Variants in ANKS1B observed in about 807,000 individuals in gnomAD.
The protein encoded by ANKS1B is ankyrin repeat and sterile alpha motif domain containing 1B.
Under a neutral mutation model 148.3 loss-of-function variants are expected in ANKS1B, and 36 were observed. That is an observed-to-expected ratio of 0.24 (90% CI 0.19 to 0.32). The LOEUF (loss-of-function observed/expected upper bound fraction) is 0.32. Ranked by LOEUF, ANKS1B falls within the 10% of genes least tolerant of loss-of-function variation. The pLI is 1.00. For missense variants in ANKS1B, 1,157 were observed against 1,542.6 expected (o/e 0.75, Z 4.19); for synonymous variants, 542 against 560.8 (o/e 0.97, Z 0.47).
At chr12:98,911,834 A>G (rs1164400364) in intron 17 of ANKS1B, among the ~76,000 whole-genome samples, 1 of 152,226 alleles carries the variant, frequency 6.6e-6, no homozygotes, top group Non-Finnish European at 1.5e-5. Flanking sequence ...CAGAGGAAGA[A>G]ATAAGCATAT....
At chr12:99,545,720 A>G (rs1222405965) in intron 9 of ANKS1B, among the ~76,000 whole-genome samples, 1 of 150,744 alleles carries the variant, frequency 6.6e-6, no homozygotes, top group Non-Finnish European at 1.5e-5. Flanking sequence ...CACCATTTCC[A>G]TGTACCTTTT....
chr12:99,261,624 C>A lies in ANKS1B; in HGVS notation c.1757-14760G>T, dbSNP rs79753238. On this transcript the variant is annotated intron_variant, in intron 12 of 26. Transcript: ENST00000683438. ...TCACACCCCACAGCCAATCACACAG[C>A]GAATCCTGGTGGCTCTACCTTTAAA... is the stretch of plus-strand genomic sequence containing the variant. Among the ~76,000 whole-genome samples the A allele has an allele frequency of 8.4e-3, 1,283 of 152,208 alleles. 22 individuals carry two copies. The highest frequency in any genetic ancestry group is 0.029 in the African/African-American group (1,218 of 41,532).
chr12:99,478,471 C>A (rs1595591744), intron 10 of ANKS1B, among the ~76,000 whole-genome samples: 2 of 152,046 alleles, frequency 1.3e-5, no homozygotes, highest in African/African-American at 4.8e-5. Flanking sequence ...AAGTCACTCC[C>A]ATGTACATAC....
intron 11 of ANKS1B, among the ~76,000 whole-genome samples, chr12:99,402,000 A>C (rs2094417129): frequency 6.8e-6 from 1 of 146,578 alleles, no homozygotes. Flanking sequence ...GTCGCAACAC[A>C]GGTCATATTT....
intron 1 of ANKS1B, among the ~76,000 whole-genome samples, chr12:99,935,157 A>G (rs1467244526): frequency 6.6e-6 from 1 of 152,146 alleles, no homozygotes; most frequent in East Asian, 1.9e-4. Context: ...CTATTCACCT[A>G]CAGAAGCAGA....
At chr12:99,285,490 G>T (rs2079011809) in intron 12 of ANKS1B, among the ~76,000 whole-genome samples, 1 of 152,140 alleles carries the variant, frequency 6.6e-6, no homozygotes, top group Non-Finnish European at 1.5e-5. Context: ...AGGTATAAAT[G>T]ACCGAGTCTA....
chr12:99,782,173 AT>A, intron 4 of ANKS1B, 76 bp from the exon 5 acceptor site: 1 of 1,140,016 alleles, frequency 8.8e-7, no homozygotes, highest in Non-Finnish European at 1.3e-6. Context: ...AAATGCTCAC[AT>A]TTTACATATT....
intron 15 of ANKS1B, among the ~76,000 whole-genome samples, chr12:99,097,731 C>T (rs1201546978): frequency 6.6e-6 from 1 of 152,114 alleles, no homozygotes; most frequent in East Asian, 1.9e-4. Flanking sequence ...TGGCTTATCA[C>T]TAATTAACTG....
intron 12 of ANKS1B, among the ~76,000 whole-genome samples, chr12:99,268,653 C>T (rs2076703408): frequency 6.6e-6 from 1 of 152,190 alleles, no homozygotes; most frequent in African/African-American, 2.4e-5. Context: ...CATACACATG[C>T]TGGTAGTGAT....
intron 2 of ANKS1B, among the ~76,000 whole-genome samples, chr12:99,814,868 C>T (rs886147585): frequency 6.6e-6 from 1 of 151,682 alleles, no homozygotes; most frequent in Non-Finnish European, 1.5e-5. Context: ...CCAGTGATTG[C>T]TTTTTAAATA....
chr12:99,515,581 G>A (rs7299006), intron 9 of ANKS1B, among the ~76,000 whole-genome samples: 15,904 of 151,940 alleles, frequency 0.1, 2,736 homozygotes, highest in African/African-American at 0.36. Context: ...TCTCTTGATG[G>A]ACACTTAGAT....
chr12:99,099,534 T>C (rs948057751), intron 15 of ANKS1B, among the ~76,000 whole-genome samples: 1 of 152,196 alleles, frequency 6.6e-6, no homozygotes, highest in Non-Finnish European at 1.5e-5. Flanking sequence ...TCTTGTGCCT[T>C]GGAATGCTCC....
chr12:99,253,197 G>C (rs1004898198), intron 12 of ANKS1B, among the ~76,000 whole-genome samples: 2 of 151,802 alleles, frequency 1.3e-5, no homozygotes, highest in East Asian at 1.9e-4. Context: ...ACTGCACTTA[G>C]TCTGGGCAAC....
chr12:99,121,100 T>G (rs1013642248), intron 15 of ANKS1B, among the ~76,000 whole-genome samples: 1 of 152,140 alleles, frequency 6.6e-6, no homozygotes, highest in African/African-American at 2.4e-5. Context: ...TAGACTTTTT[T>G]TTTTTTTGGT....
intron 14 of ANKS1B, among the ~76,000 whole-genome samples, chr12:99,233,164 A>T (rs2153954159): frequency 6.6e-6 from 1 of 152,264 alleles, no homozygotes; most frequent in Middle Eastern, 3.4e-3. Context: ...CAACTACAAG[A>T]TGTTTCATTA....
chr12:98,987,938 C>G (rs1047500565), intron 17 of ANKS1B, among the ~76,000 whole-genome samples: 3 of 152,000 alleles, frequency 2.0e-5, no homozygotes, highest in Non-Finnish European at 4.4e-5. Context: ...GTTATAAGAA[C>G]CAGCAAATGA....
intron 8 of ANKS1B, among the ~76,000 whole-genome samples, chr12:99,739,510 T>C (rs981472476): frequency 2.0e-5 from 3 of 152,156 alleles, no homozygotes; most frequent in African/African-American, 7.2e-5. Flanking sequence ...GTTTCAGTTT[T>C]ATAATCATAT....
chr12:99,293,856 T>C (rs895629764), intron 12 of ANKS1B, among the ~76,000 whole-genome samples: 1 of 152,126 alleles, frequency 6.6e-6, no homozygotes, highest in Non-Finnish European at 1.5e-5. Context: ...GATTTAAAAA[T>C]GGGCAAAATA....
chr12:99,304,997 T>C (rs929957974), intron 12 of ANKS1B, among the ~76,000 whole-genome samples: 1 of 152,118 alleles, frequency 6.6e-6, no homozygotes, highest in Non-Finnish European at 1.5e-5. Flanking sequence ...TATACAGGAA[T>C]CATGGCACCA....
Sources: allele counts gnomAD v4.1 joint callset (sites outside exome capture counted in the v4.1 genomes callset), GRCh38; gene constraint gnomAD v4.1.1; transcripts MANE v1.5; gene names NCBI Gene and HGNC (gene_info 2026-07-23, HGNC 2026-07-21).